Variants in TNNI3K observed in about 807,000 individuals in gnomAD.
The protein encoded by TNNI3K is TNNI3 interacting kinase.
In TNNI3K, 140 loss-of-function variants were observed where a neutral mutation model predicts 114.5. That is an observed-to-expected ratio of 1.22 (90% CI 1.07 to 1.41). The LOEUF (loss-of-function observed/expected upper bound fraction) is 1.41. Ranked by LOEUF, TNNI3K falls within the 40% of genes most tolerant of loss-of-function variation. The probability of loss-of-function intolerance (pLI) is 0.00; values close to 1 mark genes in which losing one functional copy is unlikely to be tolerated. For synonymous variants in TNNI3K, 347 were observed against 347.5 expected (o/e 1.00, Z 0.02); for missense variants, 1,125 against 1,007.6 (o/e 1.12, Z -1.58).
chr1:74,493,888 A>G (rs1669200967), intron 23 of TNNI3K, among the ~76,000 whole-genome samples: 1 of 152,232 alleles, frequency 6.6e-6, no homozygotes, highest in Non-Finnish European at 1.5e-5. Flanking sequence ...CATCAATAGG[A>G]AGAAAAAATA....
intron 17 of TNNI3K, among the ~76,000 whole-genome samples, chr1:74,423,206 C>T (rs760883166): frequency 1.1e-4 from 16 of 151,890 alleles, no homozygotes; most frequent in African/African-American, 1.5e-4. Context: ...CACCTCTCCC[C>T]TTCATGTGGC....
chr1:74,480,869 G>A (rs190944570), intron 21 of TNNI3K: 1 of 717,434 alleles, frequency 1.4e-6, no homozygotes, highest in African/African-American at 1.7e-5. Flanking sequence ...TCTGCTTAGG[G>A]AGAGCAGGGC....
intron 5 of TNNI3K, among the ~76,000 whole-genome samples, chr1:74,293,480 T>C (rs1413242298): frequency 1.3e-5 from 2 of 151,798 alleles, no homozygotes; most frequent in African/African-American, 2.4e-5. Context: ...TTGGTAATTC[T>C]GTGATTTTTG....
At chr1:74,483,960 G>C (rs1668625006) in intron 21 of TNNI3K, among the ~76,000 whole-genome samples, 1 of 151,858 alleles carries the variant, frequency 6.6e-6, no homozygotes, top group South Asian at 2.1e-4. Flanking sequence ...ATTCAGCTCT[G>C]TTTTTACTGA....
intron 11 of TNNI3K, among the ~76,000 whole-genome samples, chr1:74,362,002 G>T (rs1385438371): frequency 2.0e-5 from 3 of 152,044 alleles, no homozygotes; most frequent in Non-Finnish European, 4.4e-5. Flanking sequence ...GGGTCAAAGG[G>T]GATGTGAGTT....
At chr1:74,248,517 A>C (rs962979588) in intron 2 of TNNI3K, among the ~76,000 whole-genome samples, 2 of 152,222 alleles carry the variant, frequency 1.3e-5, no homozygotes, top group African/African-American at 4.8e-5. Context: ...CTGGCATGTG[A>C]TATGCAATCA....
intron 17 of TNNI3K, among the ~76,000 whole-genome samples, chr1:74,434,285 A>G (rs1666025527): frequency 6.6e-6 from 1 of 151,952 alleles, no homozygotes; most frequent in South Asian, 2.1e-4. Flanking sequence ...TAGTAAGTAC[A>G]TTTTTAGTAT....
intron 19 of TNNI3K, 96 bp downstream of exon 19, chr1:74,436,622 G>A: frequency 7.7e-7 from 1 of 1,292,120 alleles, no homozygotes; most frequent in Non-Finnish European, 1.1e-6. Flanking sequence ...TTAATTGGAA[G>A]AAATGTCATT....
At chr1:74,398,797 A>T (rs796324233) in intron 17 of TNNI3K, among the ~76,000 whole-genome samples, 13 of 152,196 alleles carry the variant, frequency 8.5e-5, no homozygotes, top group African/African-American at 3.1e-4. Context: ...ACCCCTTGTT[A>T]TCTCCCCTCT....
chr1:74,336,734 T>G (rs1453748739), intron 7 of TNNI3K, among the ~76,000 whole-genome samples: 1 of 151,240 alleles, frequency 6.6e-6, no homozygotes, highest in Non-Finnish European at 1.5e-5. Flanking sequence ...CCACATTTTC[T>G]TAATCCAGTC....
At chr1:74,313,124 C>T (rs747293779) in intron 5 of TNNI3K, among the ~76,000 whole-genome samples, 32 of 152,160 alleles carry the variant, frequency 2.1e-4, no homozygotes, top group Non-Finnish European at 4.0e-4. Context: ...ACTTCCTTTA[C>T]CTCTTTCCTG....
intron 20 of TNNI3K, among the ~76,000 whole-genome samples, chr1:74,460,015 C>A (rs970884025): frequency 1.2e-4 from 18 of 152,062 alleles, no homozygotes; most frequent in African/African-American, 4.1e-4. Flanking sequence ...CTCAATTTAT[C>A]AGTCACACTA....
intron 19 of TNNI3K, 160 bp from the exon 20 acceptor site, chr1:74,439,330 A>T: frequency 8.7e-7 from 1 of 1,143,162 alleles, no homozygotes; most frequent in Non-Finnish European, 1.2e-6. Flanking sequence ...AAACATGTTT[A>T]TTGCACACAC....
intron 17 of TNNI3K, chr1:74,418,376 T>G (rs1665232072): frequency 5.7e-6 from 1 of 175,010 alleles, no homozygotes; most frequent in African/African-American, 2.4e-5. Context: ...TTATTTGGTG[T>G]CTTCAATTTA....
chr1:74,511,112 T>G (rs1670193492), intron 23 of TNNI3K, among the ~76,000 whole-genome samples: 1 of 152,132 alleles, frequency 6.6e-6, no homozygotes, highest in South Asian at 2.1e-4. Context: ...GGTCTGGAAC[T>G]CCTGGTGATC....
intron 22 of TNNI3K, among the ~76,000 whole-genome samples, chr1:74,489,555 ATTAT>A (rs1316674604): frequency 1.3e-5 from 2 of 152,244 alleles, no homozygotes; most frequent in Non-Finnish European, 2.9e-5. Context: ...TTAGAAGGTA[ATTAT>A]TTAATCAATT....
chr1:74,396,757 C>T (rs1456191747), intron 17 of TNNI3K, among the ~76,000 whole-genome samples: 1 of 152,078 alleles, frequency 6.6e-6, no homozygotes, highest in Non-Finnish European at 1.5e-5. Context: ...ACAGAATGTC[C>T]CAAAAGCATT....
intron 17 of TNNI3K, among the ~76,000 whole-genome samples, chr1:74,386,866 G>A (rs1361591): frequency 1 from 151,897 of 152,296 alleles, 75,751 homozygotes; most frequent in Non-Finnish European, 1. Flanking sequence ...ATGACTCACA[G>A]AAATATAGTT....
chr1:74,428,202 TA>T (rs1419241600), intron 17 of TNNI3K, among the ~76,000 whole-genome samples: 3 of 152,126 alleles, frequency 2.0e-5, no homozygotes, highest in African/African-American at 7.2e-5. Context: ...GAAGTCATGA[TA>T]GGGGCTTTGG....
Sources: gnomAD v4.1 joint callset for allele counts (sites outside exome capture counted in the v4.1 genomes callset) on GRCh38, gnomAD v4.1.1 for gene constraint, MANE v1.5 for transcripts, NCBI Gene and HGNC (gene_info 2026-07-23, HGNC 2026-07-21) for gene names.